Variants in ZNF185 observed in about 807,000 individuals in gnomAD.
ZNF185 encodes zinc finger protein 185.
Under a neutral mutation model 58.6 loss-of-function variants are expected in ZNF185, and 56 were observed. That is an observed-to-expected ratio of 0.95 (90% CI 0.77 to 1.19). ZNF185 has a LOEUF of 1.19. Ranked by LOEUF, ZNF185 falls within the 50% of genes most tolerant of loss-of-function variation. ZNF185 has a pLI of 0.00. For missense variants in ZNF185, 627 were observed against 573.5 expected (o/e 1.09, Z -0.95); for synonymous variants, 230 against 215.9 (o/e 1.07, Z -0.57).
At chrX:152,946,042 A>G (rs781933833) in intron 16 of ZNF185, among the ~76,000 whole-genome samples, 30 of 112,429 alleles carry the variant, frequency 2.7e-4, no homozygotes, top group African/African-American at 9.7e-4. Context: ...GGAGCTGACC[A>G]TGTGGCATTG....
chrX:152,944,378 G>A (rs1283638841), intron 15 of ZNF185, among the ~76,000 whole-genome samples: 1 of 112,613 alleles, frequency 8.9e-6, no homozygotes, highest in Non-Finnish European at 1.9e-5. Context: ...TGTTGGGAAG[G>A]TTATATTCAG....
At chrX:152,941,582 C>A (rs2047188863) in intron 15 of ZNF185, 1 of 1,043,109 alleles carries the variant, frequency 9.6e-7, no homozygotes, top group Non-Finnish European at 1.3e-6. Context: ...GTACGCGACG[C>A]GTGCGCGCCT....
At chrX:152,957,452 CAGA>C (rs782166449) in intron 16 of ZNF185, among the ~76,000 whole-genome samples, 1 of 111,944 alleles carries the variant, frequency 8.9e-6, no homozygotes, top group East Asian at 2.8e-4. Flanking sequence ...CTACTGAGCC[CAGA>C]AGGAGTCTAG....
In ZNF185 at chrX:152,932,871, A is replaced by C. The variant is rs182817525; in HGVS notation, c.1023-2A>C. 141 of 1,192,672 alleles carry C rather than the reference A, an allele frequency of 1.2e-4. No individual in the cohort carries two copies. The African/African-American group carries it at 2.2e-3, about 19-fold the overall frequency. ...CAGCAAATACTCCACTTCTCATAAC[A>C]GGTCAAGTGCACAGTTGAGTGATGG... On this transcript the variant is annotated splice_acceptor_variant, in intron 13 of 22. Transcript: ENST00000449285. LOFTEE classifies it high-confidence loss of function.
intron 16 of ZNF185, among the ~76,000 whole-genome samples, chrX:152,957,016 C>A (rs1217864403): frequency 9.0e-6 from 1 of 111,370 alleles, no homozygotes; most frequent in Admixed American, 9.5e-5. Flanking sequence ...TATGGAAAAA[C>A]CTAATAATAC....
chrX:152,899,365 G>A, the ZNF185 span, among the ~76,000 whole-genome samples: 1 of 113,050 alleles, frequency 8.8e-6, no homozygotes, highest in Non-Finnish European at 1.9e-5. Context: ...ACAAGGGGCA[G>A]CTCAGAGGCC....
At chrX:152,946,137 C>T (rs2047767424) in intron 16 of ZNF185, among the ~76,000 whole-genome samples, 1 of 112,646 alleles carries the variant, frequency 8.9e-6, no homozygotes, top group Admixed American at 9.3e-5. Context: ...CTGGACACGT[C>T]AACAGGCCAG....
At chrX:152,941,559 G>T (rs923230129) in intron 15 of ZNF185, 269 of 978,823 alleles carry the variant, frequency 2.7e-4, no homozygotes, top group Non-Finnish European at 3.4e-4. Context: ...GCGAATGCGC[G>T]CTCGCCACCA....
rs1198925524 is a variant in ZNF185, at chrX:152,947,175, GT to G, written c.1409+1714del. 5.4e-5 allele frequency among the ~76,000 whole-genome samples: 6 copies of G among 111,680 alleles called. No individual in the cohort carries two copies. In the East Asian group the frequency reaches 1.7e-3, roughly 31 times the overall value. ...GTGGCAGTATCGCTTGAGCCCAGGAGTTTGAGACTAGCCTGGGGAACACAGC... is the reference window on the plus strand; with the variant it reads ...GTGGCAGTATCGCTTGAGCCCAGGAGTTGAGACTAGCCTGGGGAACACAGC... On this transcript the variant is annotated intron_variant, in intron 16 of 22. Transcript: ENST00000449285.
chrX:152,931,824 C>T (rs941484611), intron 13 of ZNF185, 48 bp downstream of exon 14: 1 of 1,063,830 alleles, frequency 9.4e-7, no homozygotes, highest in Non-Finnish European at 1.3e-6. Flanking sequence ...ACACGGAGCC[C>T]ACATACACCC....
exon 23 of ZNF185, chrX:152,971,320 A>C (rs1171432858): frequency 9.0e-6 from 1 of 110,623 alleles, no homozygotes; most frequent in Non-Finnish European, 1.9e-5. Context: ...CTCGTGGACA[A>C]ATTTGGCTGT....
At chrX:152,938,399 C>T (rs1275857889) in intron 15 of ZNF185, among the ~76,000 whole-genome samples, 1 of 112,515 alleles carries the variant, frequency 8.9e-6, no homozygotes, top group African/African-American at 3.2e-5. Context: ...GTCTTTCAGT[C>T]AGCAACCACT....
chrX:152,912,683 G>A (rs1937559841), upstream of ZNF185, among the ~76,000 whole-genome samples: 1 of 112,347 alleles, frequency 8.9e-6, no homozygotes, highest in South Asian at 3.7e-4. Context: ...AAGGTTAGAA[G>A]GAACCTAAAG....
chrX:152,945,244 T>C, intron 15 of ZNF185, 23 bp from the exon 18 acceptor site: 1 of 1,190,039 alleles, frequency 8.4e-7, no homozygotes, highest in Non-Finnish European at 1.1e-6. Flanking sequence ...ACTTTTTTCA[T>C]AAGGGTGCTT....
At chrX:152,931,281 T>C (rs1941928868) in intron 12 of ZNF185, among the ~76,000 whole-genome samples, 1 of 112,205 alleles carries the variant, frequency 8.9e-6, no homozygotes, top group South Asian at 3.7e-4. Flanking sequence ...TTGTTTTTGG[T>C]TCTGTTTTTT....
chrX:152,900,481 C>T, the ZNF185 span, among the ~76,000 whole-genome samples: 21 of 113,239 alleles, frequency 1.9e-4, no homozygotes, highest in Admixed American at 5.5e-4. Flanking sequence ...CAGTCCCTGG[C>T]GGCATGGGAC....
intron 9 of ZNF185, among the ~76,000 whole-genome samples, chrX:152,921,631 G>A (rs1032692545): frequency 2.7e-5 from 3 of 111,568 alleles, no homozygotes; most frequent in Non-Finnish European, 5.7e-5. Context: ...ATTCTCTCCC[G>A]GTTCTGGAGA....
intron 16 of ZNF185, among the ~76,000 whole-genome samples, chrX:152,951,090 T>TTTTC (rs2048258544): frequency 9.7e-6 from 1 of 103,550 alleles, no homozygotes; most frequent in Admixed American, 1.0e-4. Flanking sequence ...CAAGAATTTT[T>TTTTC]TTTTTTTTTT....
At chrX:152,961,814 T>G (rs782152041) in intron 17 of ZNF185, among the ~76,000 whole-genome samples, 4 of 112,388 alleles carry the variant, frequency 3.6e-5, no homozygotes, top group Non-Finnish European at 5.6e-5. Flanking sequence ...GCTTTTATTA[T>G]GGAGAAACTG....
Sources: allele counts gnomAD v4.1 joint callset (sites outside exome capture counted in the v4.1 genomes callset), GRCh38; gene constraint gnomAD v4.1.1; transcripts MANE v1.5; gene names NCBI Gene and HGNC (gene_info 2026-07-23, HGNC 2026-07-21).